C4orf51: variants seen among roughly 807,000 people sequenced by gnomAD.
C4orf51 encodes the protein uncharacterized protein C4orf51.
Under a neutral mutation model 25.2 loss-of-function variants are expected in C4orf51, and 25 were observed. That is an observed-to-expected ratio of 0.99 (90% confidence interval 0.72 to 1.39). C4orf51 has a LOEUF of 1.39. C4orf51 is among the 40% of genes most tolerant of loss of function. The pLI, the probability that C4orf51 is intolerant of heterozygous loss-of-function variation, is 0.00. For synonymous variants in C4orf51, 100 were observed against 84.5 expected (o/e 1.18, Z -1.01); for missense variants, 252 against 239.6 (o/e 1.05, Z -0.34).
intron 2 of C4orf51, among the ~76,000 whole-genome samples, chr4:145,714,654 T>C (rs6537368): frequency 0.1 from 15,270 of 152,248 alleles, 1,121 homozygotes; most frequent in African/African-American, 0.21. Context: ...AGAGCTCCAT[T>C]TTGGGGGATT....
intron 1 of C4orf51, chr4:145,759,762 T>C (rs762967383): frequency 2.0e-5 from 3 of 152,194 alleles, no homozygotes; most frequent in African/African-American, 7.2e-5. Context: ...TTCTTTTTTT[T>C]AGTCTGAGCA....
intron 2 of C4orf51, among the ~76,000 whole-genome samples, chr4:145,713,535 G>A (rs570209673): frequency 4.1e-4 from 63 of 152,284 alleles, no homozygotes; most frequent in African/African-American, 1.4e-3. Context: ...GGATGTAACT[G>A]AATTGCTGCA....
At chr4:145,727,042 T>G in intron 3 of C4orf51, 73 bp downstream of exon 3, 1 of 1,223,224 alleles carries the variant, frequency 8.2e-7, no homozygotes, top group South Asian at 1.3e-5. Flanking sequence ...TATTATTCAT[T>G]AAAAAAACAA....
At chr4:145,680,879 G>A (rs1042243109) in intron 1 of C4orf51, among the ~76,000 whole-genome samples, 10 of 152,126 alleles carry the variant, frequency 6.6e-5, no homozygotes, top group Admixed American at 3.9e-4. Flanking sequence ...TGTAAGCCAG[G>A]CCCTGTGATA....
chr4:145,704,298 TG>T, intron 2 of C4orf51, among the ~76,000 whole-genome samples: 1 of 152,318 alleles, frequency 6.6e-6, no homozygotes, highest in East Asian at 1.9e-4. Context: ...CTCCTGGATC[TG>T]GGAGAAGGCA....
downstream of C4orf51, chr4:145,775,969 G>A: frequency 6.2e-7 from 1 of 1,614,086 alleles, no homozygotes; most frequent in Non-Finnish European, 8.5e-7. Flanking sequence ...CTCTGGGGGA[G>A]AAGGAACAGG....
chr4:145,781,223 A>G, the C4orf51 span, among the ~76,000 whole-genome samples: 2 of 136,788 alleles, frequency 1.5e-5, no homozygotes, highest in African/African-American at 2.8e-5. Flanking sequence ...AAAAAGAAAA[A>G]AAAAGAAAAA....
In C4orf51 at chr4:145,680,255, C is replaced by T; in HGVS notation, c.52C>T (p.Leu18Phe). The T allele has an allele frequency of 1.2e-6, 2 of 1,613,988 alleles. No individual in the cohort carries two copies. The highest frequency in any genetic ancestry group is 8.5e-7 in the Non-Finnish European group (1 of 1,179,862). The change falls in exon 1 of 6, where the codon CTT becomes TTT. Residue 18 changes from leucine to phenylalanine, a missense_variant. Physicochemically the swap from Leu to Phe is conservative, Grantham distance 22. Transcript: ENST00000438731. ...TPQILLPFSP[L>F]TSQEFDLIRR... Reference sequence around the variant, plus strand: ...ACAAATTCTTCTGCCCTTTAGCCCTCTTACTTCTCAAGAGTTTGATCTGAT... The same window carrying T: ...ACAAATTCTTCTGCCCTTTAGCCCTTTTACTTCTCAAGAGTTTGATCTGAT...
intron 2 of C4orf51, among the ~76,000 whole-genome samples, chr4:145,718,341 T>C (rs1731530012): frequency 6.6e-6 from 1 of 152,232 alleles, no homozygotes; most frequent in Non-Finnish European, 1.5e-5. Flanking sequence ...TTTTATGGGA[T>C]ATGACATTTA....
chr4:145,707,027 G>T (rs1450977241), intron 2 of C4orf51, among the ~76,000 whole-genome samples: 1 of 152,104 alleles, frequency 6.6e-6, no homozygotes, highest in African/African-American at 2.4e-5. Context: ...TATTGGGCAG[G>T]CTGCTCTTGA....
intron 2 of C4orf51, among the ~76,000 whole-genome samples, chr4:145,704,381 G>C (rs547876454): frequency 1.5e-4 from 23 of 152,166 alleles, no homozygotes; most frequent in Non-Finnish European, 2.9e-4. Context: ...ACTTAGAATA[G>C]CTTCACAAGG....
At chr4:145,772,085 T>C (rs1465919802), downstream of C4orf51, among the ~76,000 whole-genome samples, 1 of 152,162 alleles carries the variant, frequency 6.6e-6, no homozygotes, top group Non-Finnish European at 1.5e-5. Context: ...AACTTCCACA[T>C]AGATTACAGA....
intron 2 of C4orf51, among the ~76,000 whole-genome samples, chr4:145,706,628 G>C (rs1730824778): frequency 6.6e-6 from 1 of 151,908 alleles, no homozygotes; most frequent in South Asian, 2.1e-4. Flanking sequence ...ATTGTGTCCT[G>C]TTACAAAAGA....
intron 3 of C4orf51, among the ~76,000 whole-genome samples, chr4:145,728,061 C>T (rs1246733841): frequency 4.9e-5 from 7 of 141,676 alleles, no homozygotes; most frequent in African/African-American, 1.8e-4. Flanking sequence ...CACACACACA[C>T]ACACACACGC....
At chr4:145,720,734 T>A (rs1392284458) in intron 2 of C4orf51, among the ~76,000 whole-genome samples, 1 of 152,166 alleles carries the variant, frequency 6.6e-6, no homozygotes, top group Admixed American at 6.5e-5. Flanking sequence ...TCCCCTAGGG[T>A]CACCCTTATT....
chr4:145,757,116 T>A (rs1362874240), downstream of C4orf51, among the ~76,000 whole-genome samples: 1 of 152,218 alleles, frequency 6.6e-6, no homozygotes, highest in Non-Finnish European at 1.5e-5. Flanking sequence ...CTGTCTTTGG[T>A]CTCAGTTTCT....
chr4:145,739,055 C>T (rs747469227), intron 1 of C4orf51, among the ~76,000 whole-genome samples: 3 of 152,138 alleles, frequency 2.0e-5, no homozygotes, highest in Non-Finnish European at 1.5e-5. Flanking sequence ...ATGAAAGATT[C>T]TTTTACAGAA....
downstream of C4orf51, chr4:145,758,411 C>G (rs558611304): frequency 1.3e-5 from 2 of 152,300 alleles, no homozygotes; most frequent in African/African-American, 4.8e-5. Context: ...GTCAGGGCCA[C>G]CCTTTCAGGT....
At chr4:145,776,670 G>A in the C4orf51 span, among the ~76,000 whole-genome samples, 4 of 151,906 alleles carry the variant, frequency 2.6e-5, no homozygotes, top group East Asian at 1.9e-4. Context: ...CAGGGGAGGG[G>A]GAATAAAACA....
Sources: gnomAD v4.1 joint callset for allele counts (sites outside exome capture counted in the v4.1 genomes callset) on GRCh38, gnomAD v4.1.1 for gene constraint, MANE v1.5 for transcripts, NCBI Gene and HGNC (gene_info 2026-07-23, HGNC 2026-07-21) for gene names.